RGL1: variants seen among roughly 807,000 people sequenced by gnomAD.
RGL1 encodes ral guanine nucleotide dissociation stimulator-like 1.
Under a neutral mutation model 95.2 loss-of-function variants are expected in RGL1, and 24 were observed. The observed-to-expected ratio is 0.25, with a 90% confidence interval of 0.18 to 0.35. The LOEUF (loss-of-function observed/expected upper bound fraction) is 0.35. Among genes scored for constraint, RGL1 ranks in the 10% least tolerant of loss-of-function variants. The pLI is 1.00. For missense variants in RGL1, 715 were observed against 936.3 expected (o/e 0.76, Z 3.08); for synonymous variants, 329 against 344.9 (o/e 0.95, Z 0.51).
intron 1 of RGL1, among the ~76,000 whole-genome samples, chr1:183,712,931 T>A (rs1043007332): frequency 7.9e-5 from 12 of 152,196 alleles, no homozygotes; most frequent in Non-Finnish European, 1.8e-4. Flanking sequence ...AGGAGGTGAT[T>A]TTTATCAGTT....
intron 1 of RGL1, among the ~76,000 whole-genome samples, chr1:183,675,597 C>G (rs142356030): frequency 6.6e-6 from 1 of 152,304 alleles, no homozygotes; most frequent in African/African-American, 2.4e-5. Context: ...AATCTAGTCA[C>G]AGCCCATGAT....
chr1:183,872,675 A>C (rs939833368), intron 4 of RGL1, among the ~76,000 whole-genome samples: 2 of 152,236 alleles, frequency 1.3e-5, no homozygotes, highest in Admixed American at 1.3e-4. Flanking sequence ...AGAGAAAGGA[A>C]AGGAGTTAAA....
chr1:183,780,597 A>G (rs576442638), intron 2 of RGL1, among the ~76,000 whole-genome samples: 1 of 152,324 alleles, frequency 6.6e-6, no homozygotes, highest in East Asian at 1.9e-4. Context: ...TAGGAAAAAA[A>G]ATGTTAAAGT....
intron 2 of RGL1, chr1:183,754,434 A>C (rs774215104): frequency 6.6e-6 from 1 of 152,090 alleles, no homozygotes; most frequent in Non-Finnish European, 1.5e-5. Context: ...AACATAATAA[A>C]AGTTTATTTC....
intron 1 of RGL1, chr1:183,648,220 G>T: frequency 6.2e-7 from 1 of 1,614,190 alleles, no homozygotes; most frequent in South Asian, 1.1e-5. Context: ...CCACTTATTG[G>T]ACTCAAAACA....
chr1:183,849,833 TG>T, intron 3 of RGL1, among the ~76,000 whole-genome samples: 1 of 152,278 alleles, frequency 6.6e-6, no homozygotes, highest in East Asian at 1.9e-4. Flanking sequence ...GGAGCATTTT[TG>T]AATATATATC....
intron 2 of RGL1, among the ~76,000 whole-genome samples, chr1:183,783,511 C>T (rs1380596963): frequency 6.6e-6 from 1 of 152,126 alleles, no homozygotes; most frequent in Non-Finnish European, 1.5e-5. Flanking sequence ...GGATACTAAA[C>T]AGGCATGTGA....
intron 2 of RGL1, among the ~76,000 whole-genome samples, chr1:183,755,498 T>C (rs12129521): frequency 0.45 from 67,960 of 151,738 alleles, 16,026 homozygotes; most frequent in East Asian, 0.76. Context: ...CAAATATCTT[T>C]ATATAATTTC....
chr1:183,844,338 T>A (rs1664271491), intron 2 of RGL1, among the ~76,000 whole-genome samples: 1 of 152,220 alleles, frequency 6.6e-6, no homozygotes. Flanking sequence ...GTGGTAAATA[T>A]GAGTTAAGTT....
intron 4 of RGL1, among the ~76,000 whole-genome samples, chr1:183,876,015 G>C (rs1043295624): frequency 2.0e-5 from 3 of 151,502 alleles, no homozygotes; most frequent in Non-Finnish European, 4.4e-5. Flanking sequence ...CTGCCTCATT[G>C]CTGCCCCAGA....
intron 2 of RGL1, among the ~76,000 whole-genome samples, chr1:183,752,262 C>T (rs578079210): frequency 1.3e-5 from 2 of 151,464 alleles, no homozygotes; most frequent in East Asian, 1.9e-4. Context: ...GAGTCTCACT[C>T]TGTCACCAGG....
intron 1 of RGL1, among the ~76,000 whole-genome samples, chr1:183,730,365 G>A (rs1656559590): frequency 6.6e-6 from 1 of 152,128 alleles, no homozygotes; most frequent in Non-Finnish European, 1.5e-5. Flanking sequence ...AGAGGAAGGT[G>A]CTAACATGGT....
intron 3 of RGL1, among the ~76,000 whole-genome samples, chr1:183,860,088 G>C (rs1665413290): frequency 6.6e-6 from 1 of 152,138 alleles, no homozygotes; most frequent in Admixed American, 6.5e-5. Context: ...TTTTGGGTCA[G>C]TTACAGAAAA....
At chr1:183,760,313 TG>T (rs1330119314) in intron 2 of RGL1, among the ~76,000 whole-genome samples, 1 of 152,186 alleles carries the variant, frequency 6.6e-6, no homozygotes, top group African/African-American at 2.4e-5. Context: ...TTGCAGTGGC[TG>T]TGTTTCTTAA....
At chr1:183,681,388 G>T (rs1195615997) in intron 1 of RGL1, among the ~76,000 whole-genome samples, 1 of 152,098 alleles carries the variant, frequency 6.6e-6, no homozygotes, top group Non-Finnish European at 1.5e-5. Context: ...GCATGAAGGT[G>T]TGTTGAGTTT....
Position 183,641,924 on chromosome 1 carries a change from A to G in RGL1, c.-33+5423A>G, listed in dbSNP as rs528939330. The stretch of plus-strand genomic sequence containing the variant: ...TGCATCTCATCTACATTGCCAATTT[A>G]TTGGCAAGAAGTTGCACAAAATATT... On this transcript the variant is annotated intron_variant, in intron 1 of 18. Transcript: ENST00000304685. Among the ~76,000 whole-genome samples, 4 of 152,320 alleles carry G rather than the reference A, an allele frequency of 2.6e-5. No individual in the cohort carries two copies. The South Asian group carries it at 8.3e-4, about 32-fold the overall frequency.
At chr1:183,865,304 G>A (rs2102591637) in intron 3 of RGL1, among the ~76,000 whole-genome samples, 1 of 152,220 alleles carries the variant, frequency 6.6e-6, no homozygotes, top group South Asian at 2.1e-4. Context: ...TAAAATTTAA[G>A]CATCTATTGC....
At chr1:183,664,203 T>TA (rs1275735688) in intron 1 of RGL1, among the ~76,000 whole-genome samples, 1 of 140,736 alleles carries the variant, frequency 7.1e-6, no homozygotes, top group African/African-American at 2.7e-5. Context: ...CCCTAAAACT[T>TA]AAAGTATAAT....
chr1:183,900,262 C>A, intron 11 of RGL1, 26 bp downstream of exon 11: 1 of 1,582,614 alleles, frequency 6.3e-7, no homozygotes, highest in Non-Finnish European at 8.7e-7. Context: ...GTGGTGTGAT[C>A]GGGCCTGCAG....
Sources: allele counts gnomAD v4.1 joint callset (sites outside exome capture counted in the v4.1 genomes callset), GRCh38; gene constraint gnomAD v4.1.1; transcripts MANE v1.5; gene names NCBI Gene and HGNC (gene_info 2026-07-23, HGNC 2026-07-21).